Variants in DPP10 observed in about 807,000 individuals in gnomAD.
DPP10 encodes the protein dipeptidyl peptidase like 10.
In DPP10, 33 loss-of-function variants were observed where a neutral mutation model predicts 120.9. The ratio of observed to expected loss-of-function variants is 0.27; its 90% CI spans 0.21 to 0.37. The LOEUF is 0.37. DPP10 is among the 10% of genes least tolerant of loss of function. DPP10 has a pLI of 1.00. For synonymous variants in DPP10, 337 were observed against 326.1 expected (o/e 1.03, Z -0.36); for missense variants, 816 against 942.8 (o/e 0.87, Z 1.76).
At chr2:114,695,513 G>GA (rs909990263) in intron 1 of DPP10, among the ~76,000 whole-genome samples, 2 of 151,950 alleles carry the variant, frequency 1.3e-5, no homozygotes, top group African/African-American at 4.8e-5. Flanking sequence ...ATTATCAAGA[G>GA]AAAAAATATC....
At chr2:115,681,000 T>C (rs558560149) in intron 5 of DPP10, among the ~76,000 whole-genome samples, 2 of 152,016 alleles carry the variant, frequency 1.3e-5, no homozygotes, top group East Asian at 1.9e-4. Context: ...GTTGTTGTTG[T>C]TGCTGCTGTC....
chr2:115,270,061 A>G (rs1050774228), intron 1 of DPP10, among the ~76,000 whole-genome samples: 2 of 131,550 alleles, frequency 1.5e-5, no homozygotes, highest in Non-Finnish European at 3.3e-5. Flanking sequence ...GTTACTAGGT[A>G]TACTTCACAC....
At chr2:115,007,191 C>A (rs1188117986) in intron 1 of DPP10, among the ~76,000 whole-genome samples, 2 of 152,126 alleles carry the variant, frequency 1.3e-5, no homozygotes, top group South Asian at 2.1e-4. Flanking sequence ...TACTGGCAAA[C>A]CGAATCCAGC....
intron 3 of DPP10, among the ~76,000 whole-genome samples, chr2:115,390,354 C>T (rs1418613141): frequency 6.6e-6 from 1 of 152,152 alleles, no homozygotes; most frequent in Non-Finnish European, 1.5e-5. Context: ...TGTTAACCAA[C>T]TGGTATTTTC....
At chr2:115,234,384 G>A (rs969112197) in intron 1 of DPP10, 4 of 157,794 alleles carry the variant, frequency 2.5e-5, no homozygotes, top group African/African-American at 4.8e-5. Flanking sequence ...CATGCGTCAC[G>A]TTTCACAATT....
chr2:115,579,452 C>G (rs1389470351), intron 5 of DPP10: 1 of 152,084 alleles, frequency 6.6e-6, no homozygotes, highest in Non-Finnish European at 1.5e-5. Flanking sequence ...TTGATTAACC[C>G]AATTGGGTCT....
intron 1 of DPP10, among the ~76,000 whole-genome samples, chr2:115,268,158 T>C (rs546766139): frequency 2.0e-5 from 3 of 152,210 alleles, no homozygotes; most frequent in Non-Finnish European, 4.4e-5. Flanking sequence ...CTAACATTTA[T>C]TGAGTTCCAG....
chr2:114,847,924 T>C (rs72961644), intron 1 of DPP10, among the ~76,000 whole-genome samples: 1,744 of 152,226 alleles, frequency 0.011, 33 homozygotes, highest in African/African-American at 0.04. Flanking sequence ...AATAATGACA[T>C]CTAGAAGACT....
chr2:115,144,024 A>G (rs941302751), intron 1 of DPP10: 1 of 152,224 alleles, frequency 6.6e-6, no homozygotes. Context: ...TCGGATAATC[A>G]TAAGGGCTGT....
chr2:115,630,531 T>A (rs1380521198), intron 5 of DPP10, among the ~76,000 whole-genome samples: 1 of 152,194 alleles, frequency 6.6e-6, no homozygotes, highest in East Asian at 1.9e-4. Flanking sequence ...AATATGATAT[T>A]GGCTGTGGGT....
At chr2:114,805,826 G>T (rs1264281603) in intron 1 of DPP10, among the ~76,000 whole-genome samples, 1 of 152,074 alleles carries the variant, frequency 6.6e-6, no homozygotes, top group Non-Finnish European at 1.5e-5. Flanking sequence ...GTGACACATT[G>T]CACTTTCACT....
intron 3 of DPP10, among the ~76,000 whole-genome samples, chr2:115,446,689 G>A (rs927857241): frequency 5.9e-5 from 9 of 151,990 alleles, no homozygotes; most frequent in Admixed American, 2.0e-4. Flanking sequence ...AGGCATACCC[G>A]TCTGAGTTGC....
Position 114,897,263 on chromosome 2 carries a change from G to A in DPP10, c.61-411976G>A, listed in dbSNP as rs180680626. 8.8e-3 allele frequency among the ~76,000 whole-genome samples: 1,345 copies of A among 152,216 alleles called. 19 individuals carry two copies. Among genetic ancestry groups the A allele is most frequent in the African/African-American group, 0.031 (1,287 of 41,542 alleles). ...ATGCTGGCCTCATAAAATGAGTTAG[G>A]GAGGATTCCCTCTTTTTCTATTTAT... is the stretch of plus-strand genomic sequence containing the variant. On this transcript the variant is annotated intron_variant, in intron 1 of 25. Coordinates refer to ENST00000410059, the MANE Select transcript of DPP10 (RefSeq NM_020868.6).
chr2:114,589,708 A>G (rs1233484011), intron 1 of DPP10, among the ~76,000 whole-genome samples: 2 of 152,228 alleles, frequency 1.3e-5, no homozygotes, highest in Non-Finnish European at 2.9e-5. Context: ...TCAAAAATTA[A>G]TAAAGGAGAA....
chr2:114,527,545 A>G (rs1408421155), intron 1 of DPP10, among the ~76,000 whole-genome samples: 1 of 152,184 alleles, frequency 6.6e-6, no homozygotes, highest in East Asian at 1.9e-4. Context: ...GCACATAGTT[A>G]AACAAGGACT....
chr2:114,943,270 G>A (rs1388566560), intron 1 of DPP10, among the ~76,000 whole-genome samples: 1 of 151,988 alleles, frequency 6.6e-6, no homozygotes, highest in Non-Finnish European at 1.5e-5. Context: ...TGTCGTATAT[G>A]TGCCACAGTT....
At chr2:114,802,573 G>A (rs1332985685) in intron 1 of DPP10, among the ~76,000 whole-genome samples, 1 of 152,136 alleles carries the variant, frequency 6.6e-6, no homozygotes, top group East Asian at 1.9e-4. Context: ...GGTTTTCGGG[G>A]CTGTTGAGTG....
intron 1 of DPP10, among the ~76,000 whole-genome samples, chr2:115,238,386 CCCAAGAG>C (rs2058103943): frequency 6.6e-6 from 1 of 152,172 alleles, no homozygotes; most frequent in Admixed American, 6.5e-5. Flanking sequence ...CACCTGGTTA[CCCAAGAG>C]CTCTGATGGA....
intron 2 of DPP10, among the ~76,000 whole-genome samples, chr2:115,317,262 G>A (rs2061840338): frequency 6.7e-6 from 1 of 149,512 alleles, no homozygotes; most frequent in Non-Finnish European, 1.5e-5. Context: ...ACTTTTTCTA[G>A]ATATTTCACA....
Sources: allele counts gnomAD v4.1 joint callset (sites outside exome capture counted in the v4.1 genomes callset), GRCh38; gene constraint gnomAD v4.1.1; transcripts MANE v1.5; gene names NCBI Gene and HGNC (gene_info 2026-07-23, HGNC 2026-07-21).